PPARGC1A: variants seen among roughly 807,000 people sequenced by gnomAD.
PPARGC1A encodes PPARG coactivator 1 alpha, also known as peroxisome proliferator-activated receptor gamma coactivator 1-alpha.
A neutral mutation model predicts 88.7 loss-of-function variants in PPARGC1A; 25 were observed. The observed-to-expected ratio is 0.28, with a 90% confidence interval of 0.21 to 0.39. The LOEUF is 0.39. PPARGC1A is among the 10% of genes least tolerant of loss of function. The probability of loss-of-function intolerance (pLI) is 1.00; values close to 1 mark genes in which losing one functional copy is unlikely to be tolerated. For synonymous variants in PPARGC1A, 363 were observed against 355.6 expected, an observed-to-expected ratio of 1.02 and a Z score of -0.24; for missense variants, 880 against 968.7, an observed-to-expected ratio of 0.91 and a Z score of 1.22.
chr4:24,025,983 A>G, the PPARGC1A span, among the ~76,000 whole-genome samples: 3 of 152,210 alleles, frequency 2.0e-5, no homozygotes, highest in Admixed American at 2.0e-4. Context: ...TGTGTGGTCC[A>G]TGATTTGCAC....
the PPARGC1A span, among the ~76,000 whole-genome samples, chr4:24,377,753 A>T: frequency 6.6e-6 from 1 of 152,212 alleles, no homozygotes; most frequent in African/African-American, 2.4e-5. Flanking sequence ...GATCCAGAGA[A>T]ACTTTAAAAG....
At chr4:24,236,005 G>C in the PPARGC1A span, among the ~76,000 whole-genome samples, 6 of 152,172 alleles carry the variant, frequency 3.9e-5, no homozygotes, top group Non-Finnish European at 5.9e-5. Flanking sequence ...TAGCAATTAA[G>C]TTACCATCAA....
At chr4:23,818,978 A>G (rs1722498075) in intron 7 of PPARGC1A, among the ~76,000 whole-genome samples, 1 of 151,770 alleles carries the variant, frequency 6.6e-6, no homozygotes, top group Non-Finnish European at 1.5e-5. Context: ...TATTTAAGAA[A>G]AAAAAAATTA....
chr4:24,040,682 G>A, the PPARGC1A span, among the ~76,000 whole-genome samples: 15 of 152,080 alleles, frequency 9.9e-5, no homozygotes, highest in African/African-American at 1.4e-4. Flanking sequence ...TGAGTCTTTC[G>A]CTGAAATAAA....
chr4:24,032,936 C>T, the PPARGC1A span, among the ~76,000 whole-genome samples: 116 of 152,302 alleles, frequency 7.6e-4, 1 homozygote, highest in African/African-American at 2.6e-3. Flanking sequence ...TTTGATATCT[C>T]AAAAACCTTA....
At chr4:24,106,524 TTAA>T in the PPARGC1A span, among the ~76,000 whole-genome samples, 1 of 152,206 alleles carries the variant, frequency 6.6e-6, no homozygotes, top group African/African-American at 2.4e-5. Flanking sequence ...AGTTTCCTTC[TTAA>T]TCTCAAGAGA....
At chr4:24,012,077 C>T in the PPARGC1A span, among the ~76,000 whole-genome samples, 3 of 152,058 alleles carry the variant, frequency 2.0e-5, no homozygotes, top group African/African-American at 4.8e-5. Flanking sequence ...CTCATAGGAG[C>T]GCCTATAATA....
intron 8 of PPARGC1A, 34 bp from the exon 9 acceptor site, chr4:23,813,159 G>C: frequency 1.3e-6 from 2 of 1,584,562 alleles, no homozygotes; most frequent in Non-Finnish European, 1.7e-6. Context: ...AAGGGCATTT[G>C]CAACTGCCAC....
At chr4:24,289,479 TCTC>T in the PPARGC1A span, among the ~76,000 whole-genome samples, 3 of 152,092 alleles carry the variant, frequency 2.0e-5, no homozygotes, top group African/African-American at 7.2e-5. Context: ...CATCTCATTC[TCTC>T]CTCGACACTT....
the PPARGC1A span, among the ~76,000 whole-genome samples, chr4:24,031,502 CTGAG>C: frequency 0.02 from 3,057 of 152,244 alleles, 94 homozygotes; most frequent in African/African-American, 0.071. Flanking sequence ...AACTGTGGAC[CTGAG>C]CATCAATACA....
chr4:23,922,981 T>G, the PPARGC1A span, among the ~76,000 whole-genome samples: 1 of 152,334 alleles, frequency 6.6e-6, no homozygotes, highest in Admixed American at 6.5e-5. Flanking sequence ...TATTGCATTT[T>G]CTAGTTCTTG....
chr4:24,140,690 C>A, the PPARGC1A span, among the ~76,000 whole-genome samples: 1 of 152,120 alleles, frequency 6.6e-6, no homozygotes, highest in East Asian at 1.9e-4. Context: ...TCTTTGTGCT[C>A]ACATAACTGA....
At chr4:24,171,294 T>C in the PPARGC1A span, among the ~76,000 whole-genome samples, 1 of 152,014 alleles carries the variant, frequency 6.6e-6, no homozygotes, top group African/African-American at 2.4e-5. Context: ...TACTCCCAGC[T>C]ACTTGGGAGG....
the PPARGC1A span, among the ~76,000 whole-genome samples, chr4:24,227,992 G>C: frequency 1.3e-5 from 2 of 152,288 alleles, no homozygotes; most frequent in South Asian, 4.2e-4. Flanking sequence ...TGGAGGAATG[G>C]AGTGATTCAT....
At chr4:24,163,461 A>G in the PPARGC1A span, among the ~76,000 whole-genome samples, 7 of 152,128 alleles carry the variant, frequency 4.6e-5, no homozygotes, top group African/African-American at 1.7e-4. Flanking sequence ...TATTAACAAC[A>G]GTTGGCTGAC....
the PPARGC1A span, among the ~76,000 whole-genome samples, chr4:24,117,901 C>T: frequency 6.6e-6 from 1 of 152,144 alleles, no homozygotes; most frequent in Non-Finnish European, 1.5e-5. Context: ...TACTTTGTCA[C>T]ACAAGCTGGG....
the PPARGC1A span, among the ~76,000 whole-genome samples, chr4:24,178,371 G>T: frequency 6.6e-6 from 1 of 152,258 alleles, no homozygotes; most frequent in East Asian, 1.9e-4. Flanking sequence ...ATGGCATATG[G>T]CGATTGGTAT....
At chr4:23,975,420 C>T in the PPARGC1A span, among the ~76,000 whole-genome samples, 1 of 149,898 alleles carries the variant, frequency 6.7e-6, no homozygotes, top group Non-Finnish European at 1.5e-5. Context: ...GCTATTCATT[C>T]TTTTTTTTTT....
chr4:24,356,011 A>G, the PPARGC1A span, among the ~76,000 whole-genome samples: 1 of 152,070 alleles, frequency 6.6e-6, no homozygotes, highest in Non-Finnish European at 1.5e-5. Context: ...AGCCTGGCCA[A>G]CATAGAGAAA....
Sources: allele counts gnomAD v4.1 joint callset (sites outside exome capture counted in the v4.1 genomes callset), GRCh38; gene constraint gnomAD v4.1.1; transcripts MANE v1.5; gene names NCBI Gene and HGNC (gene_info 2026-07-23, HGNC 2026-07-21).